MSRA: variants seen among roughly 807,000 people sequenced by gnomAD.
The protein encoded by MSRA is methionine sulfoxide reductase A, also known as mitochondrial peptide methionine sulfoxide reductase.
In MSRA, 54 loss-of-function variants were observed where a neutral mutation model predicts 31.3. That is an observed-to-expected ratio of 1.73 (90% CI 1.39 to 2.17). MSRA has a LOEUF of 2.17. Among genes scored for constraint, MSRA ranks in the 30% most tolerant of loss-of-function variants. The pLI is 0.00. For missense variants in MSRA, 507 were observed against 300.9 expected (o/e 1.69, Z -5.07); for synonymous variants, 169 against 116.5 (o/e 1.45, Z -2.90).
intron 1 of MSRA, among the ~76,000 whole-genome samples, chr8:10,091,930 A>G (rs1013919257): frequency 2.0e-5 from 3 of 152,038 alleles, no homozygotes; most frequent in Non-Finnish European, 4.4e-5. Context: ...TTAATTTTTG[A>G]GGAACCTCCA....
intron 5 of MSRA, among the ~76,000 whole-genome samples, chr8:10,356,125 G>C (rs1804493575): frequency 6.6e-6 from 1 of 152,182 alleles, no homozygotes; most frequent in East Asian, 1.9e-4. Context: ...CACAGCACCA[G>C]GGGTCTGGAC....
intron 5 of MSRA, among the ~76,000 whole-genome samples, chr8:10,423,721 C>G (rs1387187505): frequency 1.3e-5 from 2 of 152,188 alleles, no homozygotes; most frequent in African/African-American, 4.8e-5. Context: ...TGAACCTGCC[C>G]ATGGAACTGG....
At chr8:10,425,536 G>T (rs1352289804) in intron 5 of MSRA, among the ~76,000 whole-genome samples, 1 of 152,250 alleles carries the variant, frequency 6.6e-6, no homozygotes, top group Non-Finnish European at 1.5e-5. Flanking sequence ...GGAGACCGCA[G>T]CTGTGCCTGG....
chr8:10,248,829 G>A (rs1797767248), intron 3 of MSRA, among the ~76,000 whole-genome samples: 1 of 152,232 alleles, frequency 6.6e-6, no homozygotes, highest in African/African-American at 2.4e-5. Context: ...GACATGCGTA[G>A]AGAATACAAG....
At chr8:10,085,522 C>G (rs941260733) in intron 1 of MSRA, among the ~76,000 whole-genome samples, 4 of 152,192 alleles carry the variant, frequency 2.6e-5, no homozygotes, top group Non-Finnish European at 5.9e-5. Context: ...TTAGTCATCT[C>G]AATAGCCCCT....
At chr8:10,420,433 A>T (rs777644058) in intron 5 of MSRA, among the ~76,000 whole-genome samples, 12 of 152,218 alleles carry the variant, frequency 7.9e-5, no homozygotes, top group Non-Finnish European at 1.3e-4. Flanking sequence ...ATTGTATAAC[A>T]AACTACCCCA....
At chr8:10,066,794 C>G (rs1456983158) in intron 1 of MSRA, among the ~76,000 whole-genome samples, 2 of 152,114 alleles carry the variant, frequency 1.3e-5, no homozygotes, top group Non-Finnish European at 2.9e-5. Context: ...CTCACCCTCC[C>G]AAAGTGCTGG....
chr8:10,423,811 G>A (rs1245142304), intron 5 of MSRA, among the ~76,000 whole-genome samples: 1 of 152,206 alleles, frequency 6.6e-6, no homozygotes, highest in Non-Finnish European at 1.5e-5. Context: ...CCAGGCCCTA[G>A]AGGAGGTGCT....
chr8:10,134,121 T>C (rs888707589), intron 1 of MSRA, among the ~76,000 whole-genome samples: 1 of 152,174 alleles, frequency 6.6e-6, no homozygotes, highest in Non-Finnish European at 1.5e-5. Flanking sequence ...TGTGAGCCAC[T>C]GTGCCCGGCC....
intron 1 of MSRA, among the ~76,000 whole-genome samples, chr8:10,189,953 T>A (rs1807368395): frequency 6.6e-6 from 1 of 151,892 alleles, no homozygotes; most frequent in Admixed American, 6.6e-5. Flanking sequence ...GAGCATGGAG[T>A]TTTCTATTTC....
chr8:10,119,157 A>G (rs1038432802), intron 1 of MSRA, among the ~76,000 whole-genome samples: 1 of 152,074 alleles, frequency 6.6e-6, no homozygotes, highest in African/African-American at 2.4e-5. Context: ...CTACACAAGA[A>G]CTCTCTAAAC....
At chr8:10,152,257 A>T (rs1307472257) in intron 1 of MSRA, among the ~76,000 whole-genome samples, 1 of 152,268 alleles carries the variant, frequency 6.6e-6, no homozygotes, top group Non-Finnish European at 1.5e-5. Context: ...ATATATAAAC[A>T]CATGTATACG....
intron 5 of MSRA, among the ~76,000 whole-genome samples, chr8:10,345,848 A>G (rs915911338): frequency 6.6e-6 from 1 of 152,222 alleles, no homozygotes; most frequent in Non-Finnish European, 1.5e-5. Context: ...AGCAGCCTGC[A>G]TTCCAAATGG....
At chr8:10,355,067 C>T (rs1174530238) in intron 5 of MSRA, among the ~76,000 whole-genome samples, 1 of 152,150 alleles carries the variant, frequency 6.6e-6, no homozygotes, top group Non-Finnish European at 1.5e-5. Context: ...TCTTCACTGG[C>T]ATTTAGCATA....
intron 3 of MSRA, among the ~76,000 whole-genome samples, chr8:10,293,639 C>A (rs1360356836): frequency 6.6e-6 from 1 of 152,174 alleles, no homozygotes; most frequent in Non-Finnish European, 1.5e-5. Context: ...TCCGACGTGT[C>A]TCTGGTTCCC....
At chr8:10,214,281 C>G (rs1809783069) in intron 2 of MSRA, among the ~76,000 whole-genome samples, 3 of 152,248 alleles carry the variant, frequency 2.0e-5, no homozygotes, top group Admixed American at 2.0e-4. Flanking sequence ...AGCCCAGAGA[C>G]TTGTCCCTCT....
chr8:10,207,618 A>G (rs997959745), intron 1 of MSRA, among the ~76,000 whole-genome samples: 1 of 152,112 alleles, frequency 6.6e-6, no homozygotes, highest in Non-Finnish European at 1.5e-5. Flanking sequence ...ACCTCAGCCT[A>G]CTCATTTATA....
At chr8:10,255,343 C>A (rs186905349) in intron 3 of MSRA, among the ~76,000 whole-genome samples, 1 of 152,332 alleles carries the variant, frequency 6.6e-6, no homozygotes, top group East Asian at 1.9e-4. Flanking sequence ...TGCACCCTGG[C>A]GGGCCAGGAG....
chr8:10,089,989 T>C (rs1215386976), intron 1 of MSRA, among the ~76,000 whole-genome samples: 4 of 152,090 alleles, frequency 2.6e-5, no homozygotes, highest in Non-Finnish European at 4.4e-5. Context: ...AATTTCAACA[T>C]GAGACTTGGT....
Sources: gnomAD v4.1 joint callset for allele counts (sites outside exome capture counted in the v4.1 genomes callset) on GRCh38, gnomAD v4.1.1 for gene constraint, MANE v1.5 for transcripts, NCBI Gene and HGNC (gene_info 2026-07-23, HGNC 2026-07-21) for gene names.